DLGAP1: variants seen among roughly 807,000 people sequenced by gnomAD.
DLGAP1 encodes disks large-associated protein 1.
A neutral mutation model predicts 90.8 loss-of-function variants in DLGAP1; 11 were observed. The ratio of observed to expected loss-of-function variants is 0.12; its 90% CI spans 0.08 to 0.20. The LOEUF is 0.20. DLGAP1 is among the 10% of genes least tolerant of loss of function. The pLI, the probability that DLGAP1 is intolerant of heterozygous loss-of-function variation, is 1.00. For missense variants in DLGAP1, 1,050 were observed against 1,333.8 expected (o/e 0.79, Z 3.31); for synonymous variants, 558 against 540.7 (o/e 1.03, Z -0.44).
chr18:4,211,338 G>T (rs2077836263), intron 1 of DLGAP1, among the ~76,000 whole-genome samples: 1 of 152,170 alleles, frequency 6.6e-6, no homozygotes, highest in Non-Finnish European at 1.5e-5. Flanking sequence ...GAAGAAAAAT[G>T]ATGGACCAAC....
chr18:4,287,630 G>A (rs2079732890), intron 1 of DLGAP1, among the ~76,000 whole-genome samples: 1 of 152,116 alleles, frequency 6.6e-6, no homozygotes, highest in African/African-American at 2.4e-5. Context: ...ACTCATAAGT[G>A]GGAGTTGAAC....
chr18:3,610,829 T>A (rs2057575302), intron 7 of DLGAP1, among the ~76,000 whole-genome samples: 1 of 151,398 alleles, frequency 6.6e-6, no homozygotes, highest in South Asian at 2.1e-4. Flanking sequence ...ACAGTGAGAC[T>A]CTGTCCCTCA....
chr18:3,945,926 C>T (rs935932956), intron 3 of DLGAP1, among the ~76,000 whole-genome samples: 6 of 152,034 alleles, frequency 3.9e-5, no homozygotes, highest in African/African-American at 4.8e-5. Context: ...CAGAATCTGT[C>T]GATGAAAATT....
chr18:4,243,369 G>A (rs538782974), intron 1 of DLGAP1, among the ~76,000 whole-genome samples: 4 of 152,198 alleles, frequency 2.6e-5, no homozygotes, highest in African/African-American at 7.2e-5. Context: ...GACTGACCAC[G>A]GATGGGCACA....
intron 9 of DLGAP1, among the ~76,000 whole-genome samples, chr18:3,542,014 A>G (rs1193763984): frequency 6.6e-6 from 1 of 152,194 alleles, no homozygotes; most frequent in Non-Finnish European, 1.5e-5. Context: ...CCTCTGACTC[A>G]GTCTGTGCAT....
At chr18:3,696,809 T>C (rs934897759) in intron 7 of DLGAP1, among the ~76,000 whole-genome samples, 3 of 152,238 alleles carry the variant, frequency 2.0e-5, no homozygotes, top group Non-Finnish European at 4.4e-5. Context: ...AGAATTCAGC[T>C]GTGAATCTGT....
intron 1 of DLGAP1, among the ~76,000 whole-genome samples, chr18:4,325,843 C>T (rs1284402209): frequency 6.6e-6 from 1 of 152,082 alleles, no homozygotes; most frequent in Admixed American, 6.6e-5. Context: ...CTACCTTACA[C>T]CACATACAAA....
chr18:4,272,054 A>C (rs2079296442), intron 1 of DLGAP1, among the ~76,000 whole-genome samples: 1 of 152,160 alleles, frequency 6.6e-6, no homozygotes, highest in Non-Finnish European at 1.5e-5. Context: ...CAGATATTTT[A>C]ATATTTTAGG....
intron 1 of DLGAP1, among the ~76,000 whole-genome samples, chr18:4,382,412 A>T (rs1212754603): frequency 1.3e-5 from 2 of 151,786 alleles, no homozygotes; most frequent in African/African-American, 4.8e-5. Flanking sequence ...ATATTTTGAA[A>T]TTTTTTCTCT....
intron 2 of DLGAP1, among the ~76,000 whole-genome samples, chr18:4,044,337 C>T (rs1234840836): frequency 2.6e-5 from 4 of 152,294 alleles, no homozygotes; most frequent in South Asian, 4.1e-4. Context: ...TAAAAAGCCA[C>T]GGGGAACATC....
intron 9 of DLGAP1, among the ~76,000 whole-genome samples, chr18:3,557,526 GA>G (rs953905246): frequency 6.7e-6 from 1 of 150,084 alleles, no homozygotes; most frequent in Non-Finnish European, 1.5e-5. Context: ...CGTCTCAAAA[GA>G]AAAAAAAGTT....
intron 1 of DLGAP1, among the ~76,000 whole-genome samples, chr18:4,332,210 C>T (rs774486048): frequency 6.6e-6 from 1 of 151,832 alleles, no homozygotes; most frequent in Non-Finnish European, 1.5e-5. Context: ...TCATATTAAT[C>T]GAAACTTTAG....
At chr18:3,895,280 TACACACACAC>T (rs35493688) in intron 3 of DLGAP1, among the ~76,000 whole-genome samples, 1,938 of 137,354 alleles carry the variant, frequency 0.014, 23 homozygotes, top group Non-Finnish European at 0.015. Flanking sequence ...GGATGTTTAT[TACACACACAC>T]ACACACACAC....
intron 1 of DLGAP1, among the ~76,000 whole-genome samples, chr18:4,439,869 A>AG (rs2083489439): frequency 6.6e-6 from 1 of 152,164 alleles, no homozygotes; most frequent in Non-Finnish European, 1.5e-5. Context: ...CTGTAATCTC[A>AG]GCACTTTGGG....
At chr18:3,911,700 T>C (rs536155700) in intron 3 of DLGAP1, among the ~76,000 whole-genome samples, 2 of 152,320 alleles carry the variant, frequency 1.3e-5, no homozygotes, top group Non-Finnish European at 2.9e-5. Flanking sequence ...GATGGCTCTT[T>C]TGTGAACTAT....
chr18:3,904,912 A>G (rs530657364), intron 3 of DLGAP1, among the ~76,000 whole-genome samples: 1 of 152,216 alleles, frequency 6.6e-6, no homozygotes, highest in African/African-American at 2.4e-5. Flanking sequence ...CATAGTAGAT[A>G]CATTTTCTGG....
chr18:3,862,978 C>T (rs1400819905), intron 4 of DLGAP1, among the ~76,000 whole-genome samples: 1 of 152,180 alleles, frequency 6.6e-6, no homozygotes, highest in Non-Finnish European at 1.5e-5. Flanking sequence ...AGGGTATTAC[C>T]TTTTTATGGC....
intron 1 of DLGAP1, among the ~76,000 whole-genome samples, chr18:4,407,179 C>T (rs1022975700): frequency 1.3e-5 from 2 of 151,768 alleles, no homozygotes; most frequent in Non-Finnish European, 2.9e-5. Context: ...GAAAAAATAA[C>T]GGGCAAAACA....
chr18:3,630,165 G>A (rs2058472418), intron 7 of DLGAP1, among the ~76,000 whole-genome samples: 1 of 152,276 alleles, frequency 6.6e-6, no homozygotes, highest in East Asian at 2.0e-4. Context: ...GAGTACAGCA[G>A]ATTGCTCTCC....
Sources: gnomAD v4.1 joint callset for allele counts (sites outside exome capture counted in the v4.1 genomes callset) on GRCh38, gnomAD v4.1.1 for gene constraint, MANE v1.5 for transcripts, NCBI Gene and HGNC (gene_info 2026-07-23, HGNC 2026-07-21) for gene names.